The following DNM2 variants were observed in gnomAD, a reference collection of about 807,000 sequenced individuals.
DNM2 encodes dynamin 2.
Under a neutral mutation model 99.0 loss-of-function variants are expected in DNM2, and 15 were observed. The observed-to-expected ratio is 0.15, with a 90% CI of 0.10 to 0.23. The LOEUF (loss-of-function observed/expected upper bound fraction) is 0.23. Ranked by LOEUF, DNM2 falls within the 10% of genes least tolerant of loss-of-function variation. The probability of loss-of-function intolerance (pLI) is 1.00; values close to 1 mark genes in which losing one functional copy is unlikely to be tolerated. For synonymous variants in DNM2, 525 were observed against 481.2 expected (o/e 1.09, Z -1.19); for missense variants, 742 against 1,189.4 (o/e 0.62, Z 5.53).
Position 10,830,837 on chromosome 19 carries a change from C to A in DNM2, c.2544-141C>A. The A allele has an allele frequency of 9.4e-7, 1 of 1,058,968 alleles. No individual in the cohort carries two copies. 65.6% of individuals were successfully genotyped at this position (1,058,968 alleles called of 1,614,324 possible). On this transcript the variant is annotated intron_variant, in intron 20 of 20. Transcript: ENST00000389253. This position sits in a 1 kb window ranked among gnomAD's most constrained non-coding sequence, Gnocchi z 4.8. Reference sequence around the variant, plus strand: ...CTAGGTTTGGCACTCCTGCCCGACACCCTGGTGGCTTGCGGAGGTCAGCCT... The same window carrying A: ...CTAGGTTTGGCACTCCTGCCCGACAACCTGGTGGCTTGCGGAGGTCAGCCT...
Position 10,789,209 on chromosome 19 carries a change from G to GAAAC in DNM2, c.992+2523_992+2526dup, listed in dbSNP as rs896528911. 1.2e-4 allele frequency among the ~76,000 whole-genome samples: 19 copies of GAAAC among 152,078 alleles called. 1 individual carries two copies. The highest frequency in any genetic ancestry group is 2.1e-4 in the South Asian group (1 of 4,798). On this transcript the variant is annotated intron_variant, in intron 7 of 20. Coordinates refer to ENST00000389253, the MANE Select transcript of DNM2 (RefSeq NM_001005361.3). ...CAAGACTCTGTCTCAAACAAACAAAGAAACAAACAAACAAACAAACAAAAC... is the reference window on the plus strand; with the variant it reads ...CAAGACTCTGTCTCAAACAAACAAAGAAACAAACAAACAAACAAACAAACAAAAC...
chr19:10,782,923 C>T, intron 5 of DNM2, 37 bp from the exon 6 acceptor site: 5 of 1,613,746 alleles, frequency 3.1e-6, no homozygotes, highest in Non-Finnish European at 4.2e-6. Context: ...CTTGGCTCAC[C>T]TAGCTTTGCC....
chr19:10,760,229 C>T (rs1599496335), intron 2 of DNM2, among the ~76,000 whole-genome samples: 1 of 149,506 alleles, frequency 6.7e-6, no homozygotes, highest in African/African-American at 2.5e-5. Context: ...TTAGTAGAGA[C>T]AGGGTTTCAC....
At chr19:10,799,269 C>T (rs1440170563) in intron 11 of DNM2, among the ~76,000 whole-genome samples, 1 of 152,086 alleles carries the variant, frequency 6.6e-6, no homozygotes, top group Non-Finnish European at 1.5e-5. Context: ...CCCTGGCCAC[C>T]ACCAGCCCGC....
intron 1 of DNM2, among the ~76,000 whole-genome samples, chr19:10,752,620 A>G (rs2070235492): frequency 6.6e-6 from 1 of 152,222 alleles, no homozygotes; most frequent in Admixed American, 6.5e-5. Context: ...GTGGTTAGAC[A>G]GCTCAGGCCC....
intron 13 of DNM2, 106 bp downstream of exon 13, chr19:10,806,073 A>C: frequency 7.1e-7 from 1 of 1,400,212 alleles, no homozygotes; most frequent in Non-Finnish European, 1.0e-6. Flanking sequence ...GCCCCACCCC[A>C]CAGCCTCAGT....
chr19:10,821,964 A>C (rs1222002144), intron 16 of DNM2, among the ~76,000 whole-genome samples: 2 of 152,126 alleles, frequency 1.3e-5, no homozygotes, highest in Admixed American at 1.3e-4. Flanking sequence ...CCTCATCCAG[A>C]GGTCGTTCGG....
At chr19:10,729,067 A>AAAAAATTAGCCAAGCATGGT (rs1555697685) in intron 1 of DNM2, among the ~76,000 whole-genome samples, 1 of 121,230 alleles carries the variant, frequency 8.2e-6, no homozygotes, top group African/African-American at 3.1e-5. Context: ...CTAAAAATAT[A>AAAAAATTAGCCAAGCATGGT]GGCAGGAGAA....
chr19:10,720,235 C>G (rs894813625), intron 1 of DNM2, among the ~76,000 whole-genome samples: 1 of 145,270 alleles, frequency 6.9e-6, no homozygotes, highest in African/African-American at 2.6e-5. Context: ...TTTTTTGAGA[C>G]AGAGTCTCCC....
intron 7 of DNM2, among the ~76,000 whole-genome samples, chr19:10,791,715 C>T (rs761775705): frequency 6.6e-6 from 1 of 152,114 alleles, no homozygotes; most frequent in Admixed American, 6.6e-5. Flanking sequence ...CTCCCCCCGT[C>T]GCCCAGTCTG....
At chr19:10,744,729 C>CAG (rs2069899798) in intron 1 of DNM2, among the ~76,000 whole-genome samples, 5 of 152,256 alleles carry the variant, frequency 3.3e-5, no homozygotes, top group Non-Finnish European at 7.4e-5. Flanking sequence ...TCACCACAAC[C>CAG]GTTTTACAGA....
chr19:10,718,401 C>T lies in DNM2; in HGVS notation c.159C>T (p.Gly53=). The T allele has an allele frequency of 6.8e-7, 1 of 1,471,332 alleles. No individual in the cohort carries two copies. The highest frequency in any genetic ancestry group is 9.0e-7 in the Non-Finnish European group (1 of 1,109,244). 91.1% of individuals were successfully genotyped at this position (1,471,332 alleles called of 1,614,324 possible). Residue 53 remains glycine, a splice_region_variant and synonymous_variant, in exon 1 of 21, where the codon GGC becomes GGT. Coordinates refer to ENST00000389253, the MANE Select transcript of DNM2 (RefSeq NM_001005361.3). The part of the protein sequence containing the change: ...GKSSVLENFV[G]RDFLPRGSGI... ...GCTCGGTGCTGGAGAACTTCGTGGG[C>T]CGGTGAGCGGGCGCGGCAGGGATCG...
rs2071891694 is a variant in DNM2, at chr19:10,795,251, G to C, written c.1129-121G>C. The C allele has an allele frequency of 2.2e-6, 2 of 920,158 alleles. No homozygotes were observed. The highest frequency in any genetic ancestry group is 3.6e-5 in the Admixed American group (2 of 54,932). 57.0% of individuals were successfully genotyped at this position (920,158 alleles called of 1,614,324 possible). ...TCAATTTTTTAAATAAAATTTTGAC[G>C]AGTTAAATATTCTGCCTTGTGAATA... On this transcript the variant is annotated intron_variant, in intron 8 of 20. Transcript: ENST00000389253. The surrounding 1 kb of genome is among the most constrained non-coding windows in gnomAD (Gnocchi z 4.2).
intron 1 of DNM2, among the ~76,000 whole-genome samples, chr19:10,752,805 C>G (rs2070242649): frequency 1.3e-5 from 2 of 152,226 alleles, no homozygotes; most frequent in African/African-American, 4.8e-5. Context: ...GCAGGGAGTT[C>G]AAGACCAGCC....
chr19:10,730,344 T>C (rs1184361485), intron 1 of DNM2, among the ~76,000 whole-genome samples: 2 of 152,070 alleles, frequency 1.3e-5, no homozygotes, highest in African/African-American at 4.8e-5. Flanking sequence ...GGCGTGGTGG[T>C]GCATGCCTGT....
At chr19:10,808,475 G>T in intron 13 of DNM2, 94 bp from the exon 14 acceptor site, 2 of 1,409,606 alleles carry the variant, frequency 1.4e-6, no homozygotes. Context: ...TGCTTTTCCT[G>T]CTTTTTCTTT....
At chr19:10,808,482 CT>C (rs2072430786) in intron 13 of DNM2, 86 bp from the exon 14 acceptor site, 1 of 1,463,688 alleles carries the variant, frequency 6.8e-7, no homozygotes, top group African/African-American at 1.4e-5. Context: ...CCTGCTTTTT[CT>C]TTGTCCCCTT....
At chr19:10,784,016 T>C (rs2071470653) in intron 6 of DNM2, among the ~76,000 whole-genome samples, 2 of 152,076 alleles carry the variant, frequency 1.3e-5, no homozygotes, top group South Asian at 4.1e-4. Context: ...TCTCTTCTTG[T>C]AAGTAATTGA....
At chr19:10,782,232 C>T (rs906693431) in intron 5 of DNM2, among the ~76,000 whole-genome samples, 1 of 152,110 alleles carries the variant, frequency 6.6e-6, no homozygotes, top group African/African-American at 2.4e-5. Context: ...TGGGGTTTTG[C>T]CATGTTACCC....
Sources: allele counts gnomAD v4.1 joint callset (sites outside exome capture counted in the v4.1 genomes callset), GRCh38; gene constraint gnomAD v4.1.1; non-coding constraint Gnocchi (gnomAD v3.1); transcripts MANE v1.5; gene names NCBI Gene and HGNC (gene_info 2026-07-23, HGNC 2026-07-21).